The following SNX29 variants were observed in gnomAD, a reference collection of about 807,000 sequenced individuals.
The protein encoded by SNX29 is sorting nexin-29.
SNX29 carries 78 observed loss-of-function variants against 102.1 expected under a neutral mutation model. The ratio of observed to expected loss-of-function variants is 0.76; its 90% confidence interval spans 0.64 to 0.92. The LOEUF is 0.92. Among genes scored for constraint, SNX29 ranks in the 40% least tolerant of loss-of-function variants. The probability of loss-of-function intolerance (pLI) is 0.00; values close to 1 mark genes in which losing one functional copy is unlikely to be tolerated. For synonymous variants in SNX29, 580 were observed against 414.5 expected (o/e 1.40, Z -4.85); for missense variants, 1,280 against 1,061.7 (o/e 1.21, Z -2.86).
rs533444493 is a variant in SNX29 at position 12,429,273 on chromosome 16, C to T, written c.2037+25744C>T. On this transcript the variant is annotated intron_variant, in intron 18 of 20. Transcript: ENST00000566228. Reference sequence around the variant, plus strand: ...ATTAATATCTCCTTCTAGTTAGTCCCACCACACAGACACAACTGAAATTAA... The same window carrying T: ...ATTAATATCTCCTTCTAGTTAGTCCTACCACACAGACACAACTGAAATTAA... Among the ~76,000 whole-genome samples the T allele has an allele frequency of 2.5e-4, 38 of 152,356 alleles. 2 individuals carry two copies. The South Asian group carries it at 7.9e-3, about 32-fold the overall frequency.
At chr16:12,555,089 A>G (rs904195799) in intron 20 of SNX29, among the ~76,000 whole-genome samples, 1 of 151,060 alleles carries the variant, frequency 6.6e-6, no homozygotes, top group African/African-American at 2.4e-5. Context: ...AGGAAAAGTG[A>G]AAGGGCCAAT....
chr16:12,474,938 C>T (rs1332764835), intron 18 of SNX29, among the ~76,000 whole-genome samples: 1 of 152,148 alleles, frequency 6.6e-6, no homozygotes, highest in Non-Finnish European at 1.5e-5. Context: ...TGGATGTGAC[C>T]TTTTGTTCAG....
chr16:12,536,924 C>G (rs536209137), intron 20 of SNX29, among the ~76,000 whole-genome samples: 4 of 151,944 alleles, frequency 2.6e-5, no homozygotes, highest in South Asian at 4.2e-4. Flanking sequence ...TGCAGTGAGC[C>G]GAGATCACAG....
At chr16:12,095,334 C>T (rs1466512832) in intron 11 of SNX29, 1 of 152,148 alleles carries the variant, frequency 6.6e-6, no homozygotes, top group African/African-American at 2.4e-5. Context: ...TTATTCCTGC[C>T]AATTTCAGGA....
At chr16:12,249,130 G>A (rs2078347454) in intron 14 of SNX29, among the ~76,000 whole-genome samples, 1 of 152,158 alleles carries the variant, frequency 6.6e-6, no homozygotes, top group Non-Finnish European at 1.5e-5. Flanking sequence ...GTTCAGTCAG[G>A]GTGTGATGAT....
intron 13 of SNX29, among the ~76,000 whole-genome samples, chr16:12,190,292 C>G (rs548853021): frequency 1.3e-5 from 2 of 152,194 alleles, no homozygotes; most frequent in East Asian, 1.9e-4. Context: ...CACCGAGACT[C>G]CATTTCCTTA....
intron 14 of SNX29, among the ~76,000 whole-genome samples, chr16:12,259,212 G>C (rs945272245): frequency 6.6e-6 from 1 of 152,200 alleles, no homozygotes; most frequent in African/African-American, 2.4e-5. Flanking sequence ...GTTCCGATTT[G>C]TCAAGGTCTC....
intron 3 of SNX29, among the ~76,000 whole-genome samples, chr16:12,007,796 C>G (rs974658781): frequency 6.6e-6 from 1 of 152,214 alleles, no homozygotes; most frequent in Non-Finnish European, 1.5e-5. Context: ...TCCCTCACCT[C>G]ATGCTCCCTT....
intron 19 of SNX29, among the ~76,000 whole-genome samples, chr16:12,495,317 A>G (rs1330562946): frequency 6.6e-6 from 1 of 151,806 alleles, no homozygotes; most frequent in Non-Finnish European, 1.5e-5. Context: ...ACGTCCAGCT[A>G]GTTTATGTAT....
intron 13 of SNX29, among the ~76,000 whole-genome samples, 156 bp from the exon 14 acceptor site, chr16:12,199,445 C>T (rs1043864551): frequency 2.0e-5 from 3 of 152,204 alleles, no homozygotes; most frequent in Non-Finnish European, 4.4e-5. Flanking sequence ...CAACCATCTC[C>T]CGTGATGATA....
In SNX29 at chr16:12,096,641, G is replaced by A. The variant is rs77886600; in HGVS notation, c.1402+17726G>A. On this transcript the variant is annotated intron_variant, in intron 11 of 20. Coordinates refer to ENST00000566228, the MANE Select transcript of SNX29 (RefSeq NM_032167.5). The surrounding 1 kb of genome is among the most constrained non-coding windows in gnomAD (Gnocchi z 4.2). Reference sequence around the variant, plus strand: ...GATGAATGATTGGATGGGGCAAAACGGGAGGCAATGGGGTCATGTGGGAGT... The same window carrying A: ...GATGAATGATTGGATGGGGCAAAACAGGAGGCAATGGGGTCATGTGGGAGT... 0.033 allele frequency among the ~76,000 whole-genome samples: 4,988 copies of A among 152,258 alleles called. 275 individuals carry two copies. The highest frequency in any genetic ancestry group is 0.11 in the African/African-American group (4,753 of 41,520).
chr16:12,542,201 G>A (rs1446611230), intron 20 of SNX29, among the ~76,000 whole-genome samples: 2 of 152,140 alleles, frequency 1.3e-5, no homozygotes, highest in East Asian at 1.9e-4. Flanking sequence ...CACACAGGGT[G>A]TCAAGGAATC....
intron 20 of SNX29, among the ~76,000 whole-genome samples, chr16:12,552,273 C>G (rs1212777892): frequency 6.6e-6 from 1 of 152,180 alleles, no homozygotes; most frequent in Non-Finnish European, 1.5e-5. Flanking sequence ...AAGCCCTGGC[C>G]AGTTAACTTC....
rs369057566 is a variant in SNX29, at chr16:12,069,103, C to T, written c.1290C>T (p.His430=). ...AGAACGGGACAGGACCAGAGGACCA[C>T]GTTCTCCCAGATCCTGGACTTCGGT... ...SLENGTGPED[H]VLPDPGLRYS... Residue 430 remains histidine (H), a synonymous_variant, in exon 10 of 21, where the codon CAC becomes CAT. Coordinates refer to ENST00000566228, the MANE Select transcript of SNX29 (RefSeq NM_032167.5). 19 of 1,613,608 alleles carry T rather than the reference C, an allele frequency of 1.2e-5. No individual in the cohort carries two copies. The South Asian group carries it at 1.2e-4, about 10-fold the overall frequency.
chr16:12,501,325 G>C (rs918953730), intron 19 of SNX29, among the ~76,000 whole-genome samples: 1 of 152,088 alleles, frequency 6.6e-6, no homozygotes, highest in African/African-American at 2.4e-5. Flanking sequence ...GATTGCTTGA[G>C]ATTAGGAGTT....
At chr16:12,002,804 A>G (rs1243056221) in intron 2 of SNX29, among the ~76,000 whole-genome samples, 187 bp from the exon 3 acceptor site, 1 of 152,194 alleles carries the variant, frequency 6.6e-6, no homozygotes, top group Non-Finnish European at 1.5e-5. Flanking sequence ...TGGCAGCTTC[A>G]AGGCTGGGGT....
At chr16:12,179,303 G>A (rs2076330428) in intron 13 of SNX29, among the ~76,000 whole-genome samples, 1 of 152,222 alleles carries the variant, frequency 6.6e-6, no homozygotes, top group African/African-American at 2.4e-5. Context: ...GGGCAACGTG[G>A]CGAAGCCCCA....
intron 13 of SNX29, among the ~76,000 whole-genome samples, chr16:12,171,355 C>T (rs1281604569): frequency 1.3e-5 from 2 of 152,088 alleles, no homozygotes; most frequent in Non-Finnish European, 1.5e-5. Flanking sequence ...AGAAAACACG[C>T]ACAGTTAGTC....
intron 16 of SNX29, among the ~76,000 whole-genome samples, chr16:12,364,416 C>CTTCTTTTTTTTTTTTTTTTTT (rs1555520124): frequency 1.0e-5 from 1 of 98,790 alleles, no homozygotes; most frequent in African/African-American, 3.3e-5. Flanking sequence ...CTCTCTTCTT[C>CTTCTTTTTTTTTTTTTTTTTT]TTTTTTTTTT....
Sources: allele counts gnomAD v4.1 joint callset (sites outside exome capture counted in the v4.1 genomes callset), GRCh38; gene constraint gnomAD v4.1.1; non-coding constraint Gnocchi (gnomAD v3.1); transcripts MANE v1.5; gene names NCBI Gene and HGNC (gene_info 2026-07-23, HGNC 2026-07-21).